ZNF891: variants seen among roughly 807,000 people sequenced by gnomAD.
ZNF891 encodes zinc finger protein 891.
For missense variants in ZNF891, 589 were observed against 632.7 expected (o/e 0.93, Z 0.74); for synonymous variants, 199 against 209.0 (o/e 0.95, Z 0.41).
At chr12:133,122,399 C>T in intron 1 of ZNF891, 1 of 180,166 alleles carries the variant, frequency 5.6e-6, no homozygotes, top group Non-Finnish European at 1.1e-5. Flanking sequence ...AACAATTTCC[C>T]TGTGAAACAC....
chr12:133,109,049 G>A lies in ZNF891; in HGVS notation c.*11235C>T, dbSNP rs1416473209. On this transcript the variant is annotated 3_prime_UTR_variant, in exon 2 of 2. Coordinates refer to ENST00000537226, the MANE Select transcript of ZNF891 (RefSeq NM_001277291.2). The stretch of plus-strand genomic sequence containing the variant: ...ATAGCTATCAGTTATTGTGGCTCAA[G>A]AAAATTCTTCTTCTGGTGTAGCCCA... The A allele has an allele frequency of 6.6e-6, 1 of 151,250 alleles. No individual in the cohort carries two copies. The highest frequency in any genetic ancestry group is 6.6e-5 in the Admixed American group (1 of 15,154). The allele number at this position is 151,250 out of a possible 1,614,324, so 9.4% of individuals were successfully genotyped here. A position where few individuals can be genotyped will look rare whatever the true frequency, so the allele number is the denominator to read the frequency against.
chr12:133,110,549 A>C lies in ZNF891; in HGVS notation c.*9735T>G, dbSNP rs1955676084. On this transcript the variant is annotated 3_prime_UTR_variant, in exon 2 of 2. Coordinates refer to ENST00000537226, the MANE Select transcript of ZNF891 (RefSeq NM_001277291.2). ...TTCTGTATTTTCTTGGAAAGCAACA[A>C]TCAAATGCTTTGGGAGACTTAAGAT... is the stretch of plus-strand genomic sequence containing the variant. 6.6e-6 allele frequency: 1 copy of C among 152,194 alleles called. No individual in the cohort carries two copies. Among genetic ancestry groups the C allele is most frequent in the South Asian group, 2.1e-4 (1 of 4,834 alleles). The allele number at this position is 152,194 out of a possible 1,614,324, so 9.4% of individuals were successfully genotyped here.
intron 1 of ZNF891, among the ~76,000 whole-genome samples, chr12:133,126,761 G>A (rs992818377): frequency 1.3e-5 from 2 of 149,914 alleles, no homozygotes; most frequent in African/African-American, 2.4e-5. Context: ...AGGCTGCAGT[G>A]AGCCGAGATG....
At chr12:133,125,558 C>A in intron 1 of ZNF891, 1 of 191,156 alleles carries the variant, frequency 5.2e-6, no homozygotes, top group Non-Finnish European at 1.1e-5. Flanking sequence ...GTCAAAAAGG[C>A]AGTGGTGAAA....
intron 1 of ZNF891, among the ~76,000 whole-genome samples, chr12:133,128,567 G>C (rs1293984921): frequency 1.3e-5 from 2 of 152,236 alleles, no homozygotes; most frequent in African/African-American, 4.8e-5. Flanking sequence ...CCGGGATGTG[G>C]AAGTTGCAGT....
chr12:133,126,169 T>A (rs1385641894), intron 1 of ZNF891, among the ~76,000 whole-genome samples: 1 of 151,914 alleles, frequency 6.6e-6, no homozygotes, highest in Non-Finnish European at 1.5e-5. Flanking sequence ...ATTTAAAAAC[T>A]CCCCAAAAAG....
intron 1 of ZNF891, among the ~76,000 whole-genome samples, chr12:133,127,368 A>T (rs1365094568): frequency 1.3e-5 from 2 of 152,206 alleles, no homozygotes; most frequent in Non-Finnish European, 2.9e-5. Context: ...GAAATTTTTG[A>T]ATACCAAAGA....
rs1955699746 is a variant in ZNF891, at chr12:133,113,765, C to T, written c.*6519G>A. On this transcript the variant is annotated 3_prime_UTR_variant, in exon 2 of 2. Transcript: ENST00000537226. ...TTAGACAGGGTCTTACTCTGTCACC[C>T]AGGCTGGAGTGCAGTGGTGCACACA... 1 of 152,104 alleles carries T rather than the reference C, an allele frequency of 6.6e-6. No homozygotes were observed. The highest frequency in any genetic ancestry group is 2.1e-4 in the South Asian group (1 of 4,826). The allele number at this position is 152,104 out of a possible 1,614,324, so 9.4% of individuals were successfully genotyped here.
In ZNF891 at chr12:133,120,606, CCA is replaced by C; in HGVS notation, c.1311_1312del (p.Cys437TrpfsTer11). ...GTGAGAGCTCGTGTTGAAGGCTTTT[CCA>C]CACTCACTGCATTCATAGAGTTTTT... On this transcript the variant is annotated frameshift_variant, in exon 2 of 2. Coordinates refer to ENST00000537226, the MANE Select transcript of ZNF891 (RefSeq NM_001277291.2). LOFTEE classifies it low-confidence loss of function (END_TRUNC). 10 of 1,560,664 alleles carry C rather than the reference CCA, an allele frequency of 6.4e-6. No individual in the cohort carries two copies. The highest frequency in any genetic ancestry group is 8.7e-6 in the Non-Finnish European group (10 of 1,153,700).
chr12:133,126,872 A>T (rs1242001208), intron 1 of ZNF891, among the ~76,000 whole-genome samples: 2 of 152,022 alleles, frequency 1.3e-5, no homozygotes, highest in African/African-American at 4.8e-5. Context: ...AAGAATAAAT[A>T]AAAAAAGACC....
At chr12:133,125,207 G>C (rs1297230626) in intron 1 of ZNF891, among the ~76,000 whole-genome samples, 1 of 152,040 alleles carries the variant, frequency 6.6e-6, no homozygotes, top group Non-Finnish European at 1.5e-5. Context: ...CACTATATTG[G>C]CCAGGCTAAC....
In ZNF891 at chr12:133,120,904, T is replaced by C; in HGVS notation, c.1015A>G (p.Lys339Glu). ...FKRISNLTLY[K>E]KSHMGEKQYE... ...TGTTTCTCACCCATGTGACTTTTCT[T>C]GTATAAAGTAAGATTAGAAATCCTT... Residue 339 changes from lysine (K) to glutamate (E), a missense_variant, in exon 2 of 2, where the codon AAG becomes GAG. Coordinates refer to ENST00000537226, the MANE Select transcript of ZNF891 (RefSeq NM_001277291.2). 2 of 1,538,238 alleles carry C rather than the reference T, an allele frequency of 1.3e-6. No individual in the cohort carries two copies. The highest frequency in any genetic ancestry group is 1.7e-6 in the Non-Finnish European group (2 of 1,146,958).
rs1255987555 is a variant in ZNF891 at position 133,105,844 on chromosome 12, T to C, written c.*14440A>G. The C allele has an allele frequency of 1.9e-6, 3 of 1,614,190 alleles. No homozygotes were observed. The highest frequency in any genetic ancestry group is 1.7e-5 in the Admixed American group (1 of 60,028). ...GGACTCATACTGGAGAGAAACCATA[T>C]GCATGTAAGGAATGTGGCAAAACCT... On this transcript the variant is annotated 3_prime_UTR_variant, in exon 2 of 2. Coordinates refer to ENST00000537226, the MANE Select transcript of ZNF891 (RefSeq NM_001277291.2).
Position 133,108,376 on chromosome 12 carries a change from A to G in ZNF891, c.*11908T>C, listed in dbSNP as rs1392054272. 3.3e-5 allele frequency: 5 copies of G among 151,934 alleles called. No homozygotes were observed. 9.4% of individuals were successfully genotyped at this position (151,934 alleles called of 1,614,324 possible). On this transcript the variant is annotated 3_prime_UTR_variant, in exon 2 of 2. Coordinates refer to ENST00000537226, the MANE Select transcript of ZNF891 (RefSeq NM_001277291.2). ...ACCCTGTCAGCAAAATTAGGATATG[A>G]AAAATTCATTATTTATTTATTTAAG...
rs1955660668 is a variant in ZNF891 at position 133,108,988 on chromosome 12, G to A, written c.*11296C>T. On this transcript the variant is annotated 3_prime_UTR_variant, in exon 2 of 2. Transcript: ENST00000537226. ...ATCCCTGGGCCACATTGGAAGAATT[G>A]TCTTGGGCCACATATAAAATACGTG... 1 of 151,706 alleles carries A rather than the reference G, an allele frequency of 6.6e-6. No individual in the cohort carries two copies. Among genetic ancestry groups the A allele is most frequent in the South Asian group, 2.1e-4 (1 of 4,720 alleles). The allele number at this position is 151,706 out of a possible 1,614,324, so 9.4% of individuals were successfully genotyped here. A position where few individuals can be genotyped will look rare whatever the true frequency, so the allele number is the denominator to read the frequency against.
intron 1 of ZNF891, 41 bp from the exon 2 acceptor site, chr12:133,122,065 G>A (rs1955768583): frequency 1.4e-6 from 2 of 1,397,106 alleles, no homozygotes; most frequent in African/African-American, 1.4e-5. Context: ...GAAGAAAGCT[G>A]GAAACAGGGC....
chr12:133,121,028 A>G lies in ZNF891; in HGVS notation c.891T>C (p.Asn297=). Residue 297 remains asparagine, a synonymous_variant, in exon 2 of 2, where the codon AAT becomes AAC. Transcript: ENST00000537226. ...ATTGATGACACAGCGTTTCATCTTT[A>G]TTACATTCACAGGCATTCTGTGCCA... ...LHMAQNACEC[N]KDETLCHQSS... is the part of the protein sequence containing the mutation. 2 of 1,535,670 alleles carry G rather than the reference A, an allele frequency of 1.3e-6. No homozygotes were observed. The highest frequency in any genetic ancestry group is 1.7e-6 in the Non-Finnish European group (2 of 1,146,880).
intron 1 of ZNF891, 24 bp from the exon 2 acceptor site, chr12:133,122,048 G>A: frequency 1.4e-6 from 2 of 1,402,830 alleles, no homozygotes; most frequent in South Asian, 1.7e-5. Flanking sequence ...AGCAAGTTCA[G>A]GTAAAAGAAG....
rs1320150673 is a variant in ZNF891, at chr12:133,106,235, C to T, written c.*14049G>A. ...CCGTTTCTCACACCTTACTCGACAT[C>T]AGAGCATCCATACAACCAAAACCCC... On this transcript the variant is annotated 3_prime_UTR_variant, in exon 2 of 2. Coordinates refer to ENST00000537226, the MANE Select transcript of ZNF891 (RefSeq NM_001277291.2). 1.2e-6 allele frequency: 2 copies of T among 1,614,216 alleles called. No homozygotes were observed. Among genetic ancestry groups the T allele is most frequent in the Non-Finnish European group, 8.5e-7 (1 of 1,180,036 alleles).
Sources: allele counts gnomAD v4.1 joint callset (sites outside exome capture counted in the v4.1 genomes callset), GRCh38; gene constraint gnomAD v4.1.1; transcripts MANE v1.5; gene names NCBI Gene and HGNC (gene_info 2026-07-23, HGNC 2026-07-21).